Variants in FAF1 observed in about 807,000 individuals in gnomAD.
FAF1 encodes FAS-associated factor 1.
A neutral mutation model predicts 92.5 loss-of-function variants in FAF1; 25 were observed. The ratio of observed to expected loss-of-function variants is 0.27; its 90% CI spans 0.20 to 0.38. The LOEUF is 0.38. FAF1 is among the 10% of genes least tolerant of loss of function. The pLI is 1.00. For synonymous variants in FAF1, 234 were observed against 273.2 expected, an observed-to-expected ratio of 0.86 and a Z score of 1.42; for missense variants, 636 against 793.3, an observed-to-expected ratio of 0.80 and a Z score of 2.38.
At chr1:50,955,923 T>G (rs1398488183) in intron 1 of FAF1, among the ~76,000 whole-genome samples, 2 of 152,166 alleles carry the variant, frequency 1.3e-5, no homozygotes, top group Non-Finnish European at 2.9e-5. Flanking sequence ...TTATATGAGG[T>G]ACCTATTAAT....
Position 50,672,098 on chromosome 1 carries a change from T to C in FAF1, c.658-16570A>G, listed in dbSNP as rs947208489. Among the ~76,000 whole-genome samples the C allele has an allele frequency of 2.6e-5, 4 of 151,470 alleles. No individual in the cohort carries two copies. The Admixed American group carries it at 2.6e-4, about 10-fold the overall frequency. On this transcript the variant is annotated intron_variant, in intron 7 of 18. Transcript: ENST00000396153. ...TCTTGCTCTGTCACCCAGGCTGGAG[T>C]ACAGTGGCGCGATCTCAGCTCACTG...
intron 1 of FAF1, among the ~76,000 whole-genome samples, chr1:50,944,443 T>C (rs1184688042): frequency 6.6e-6 from 1 of 152,222 alleles, no homozygotes; most frequent in Non-Finnish European, 1.5e-5. Flanking sequence ...AGTGTCAGGA[T>C]TGCTGCTCTC....
At chr1:50,491,060 T>C (rs1646833877) in intron 16 of FAF1, among the ~76,000 whole-genome samples, 1 of 152,184 alleles carries the variant, frequency 6.6e-6, no homozygotes, top group African/African-American at 2.4e-5. Flanking sequence ...TGCTAGCTTA[T>C]ACTGTTTCCT....
chr1:50,749,920 G>A (rs189403971), intron 4 of FAF1, among the ~76,000 whole-genome samples: 4 of 152,226 alleles, frequency 2.6e-5, no homozygotes, highest in Admixed American at 2.6e-4. Context: ...GTTTTGCAGA[G>A]TGCCTAATAC....
chr1:50,680,136 A>G (rs72900957), intron 7 of FAF1, among the ~76,000 whole-genome samples: 10,034 of 152,260 alleles, frequency 0.066, 415 homozygotes, highest in East Asian at 0.091. Flanking sequence ...AGAAACATTT[A>G]TCTCTGATAG....
At chr1:50,622,862 G>C (rs994536447) in intron 8 of FAF1, among the ~76,000 whole-genome samples, 1 of 152,200 alleles carries the variant, frequency 6.6e-6, no homozygotes, top group African/African-American at 2.4e-5. Context: ...CCAGGAAGCA[G>C]TGGTAGGCAC....
At chr1:50,817,789 A>G (rs1643992479) in intron 2 of FAF1, among the ~76,000 whole-genome samples, 2 of 152,188 alleles carry the variant, frequency 1.3e-5, no homozygotes, top group South Asian at 4.1e-4. Flanking sequence ...CCCTGTGAAT[A>G]TATTTAAAGA....
At chr1:50,678,096 C>A (rs1443428197) in intron 7 of FAF1, among the ~76,000 whole-genome samples, 1 of 152,108 alleles carries the variant, frequency 6.6e-6, no homozygotes, top group Non-Finnish European at 1.5e-5. Context: ...AATGAACTTG[C>A]CCCATTAATA....
At chr1:50,721,234 C>T (rs1315127243) in intron 6 of FAF1, among the ~76,000 whole-genome samples, 1 of 151,798 alleles carries the variant, frequency 6.6e-6, no homozygotes, top group Non-Finnish European at 1.5e-5. Flanking sequence ...AGTCTCACCA[C>T]CAGGCTGGAG....
intron 1 of FAF1, among the ~76,000 whole-genome samples, chr1:50,918,003 T>C (rs1644933222): frequency 6.6e-6 from 1 of 151,966 alleles, no homozygotes; most frequent in Admixed American, 6.6e-5. Context: ...CACAGGACAT[T>C]AAGAATGATT....
intron 3 of FAF1, among the ~76,000 whole-genome samples, chr1:50,795,657 TG>T (rs1661720711): frequency 6.6e-6 from 1 of 152,204 alleles, no homozygotes; most frequent in Admixed American, 6.5e-5. Context: ...AATTAAGTGT[TG>T]ACAGTGATTC....
At chr1:50,955,828 G>A (rs1016269673) in intron 1 of FAF1, among the ~76,000 whole-genome samples, 7 of 152,080 alleles carry the variant, frequency 4.6e-5, no homozygotes, top group Non-Finnish European at 8.8e-5. Flanking sequence ...AAATCCTGAC[G>A]CATGCTAACA....
At chr1:50,724,300 C>CACACACATAT (rs1658547351) in intron 6 of FAF1, among the ~76,000 whole-genome samples, 1 of 131,528 alleles carries the variant, frequency 7.6e-6, no homozygotes, top group African/African-American at 3.1e-5. Flanking sequence ...CACACATACA[C>CACACACATAT]ACACACACAC....
intron 7 of FAF1, among the ~76,000 whole-genome samples, chr1:50,670,029 G>A (rs893324479): frequency 1.3e-5 from 2 of 151,498 alleles, no homozygotes; most frequent in African/African-American, 2.4e-5. Context: ...GCTGAGGGAG[G>A]AGAATCGCTT....
chr1:50,886,626 G>A (rs1644668106), intron 1 of FAF1, among the ~76,000 whole-genome samples: 1 of 152,052 alleles, frequency 6.6e-6, no homozygotes, highest in Non-Finnish European at 1.5e-5. Context: ...AGAACATGTG[G>A]TGTTTGGTTT....
intron 2 of FAF1, among the ~76,000 whole-genome samples, chr1:50,852,007 T>A (rs1426224807): frequency 6.6e-6 from 1 of 152,126 alleles, no homozygotes; most frequent in East Asian, 1.9e-4. Context: ...ATAAAAACTT[T>A]CAAATAGGTT....
chr1:50,887,300 A>C (rs111870790), intron 1 of FAF1, among the ~76,000 whole-genome samples: 3 of 152,198 alleles, frequency 2.0e-5, no homozygotes, highest in African/African-American at 7.2e-5. Context: ...GAGTAGATTG[A>C]AAAAATTTTC....
intron 6 of FAF1, among the ~76,000 whole-genome samples, chr1:50,725,617 A>T (rs1658616132): frequency 6.6e-6 from 1 of 151,938 alleles, no homozygotes; most frequent in South Asian, 2.1e-4. Flanking sequence ...CACCATGCCC[A>T]GCTAATTTTT....
chr1:50,601,924 T>A (rs1471754262), intron 8 of FAF1, among the ~76,000 whole-genome samples: 1 of 152,132 alleles, frequency 6.6e-6, no homozygotes, highest in Non-Finnish European at 1.5e-5. Context: ...ATAAGACATT[T>A]TAAGAGTATT....
Sources: gnomAD v4.1 joint callset for allele counts (sites outside exome capture counted in the v4.1 genomes callset) on GRCh38, gnomAD v4.1.1 for gene constraint, MANE v1.5 for transcripts, NCBI Gene and HGNC (gene_info 2026-07-23, HGNC 2026-07-21) for gene names.